The following CACNG2 variants were observed in gnomAD, a reference collection of about 807,000 sequenced individuals.
The protein encoded by CACNG2 is voltage-dependent calcium channel gamma-2 subunit.
In CACNG2, 3 loss-of-function variants were observed where a neutral mutation model predicts 25.9. The ratio of observed to expected loss-of-function variants is 0.12; its 90% CI spans 0.05 to 0.30. CACNG2 has a LOEUF of 0.30. Among genes scored for constraint, CACNG2 ranks in the 10% least tolerant of loss-of-function variants. The pLI is 1.00. For missense variants in CACNG2, 341 were observed against 432.5 expected (o/e 0.79, Z 1.88); for synonymous variants, 167 against 173.3 (o/e 0.96, Z 0.29).
chr22:36,617,918 C>A (rs756771778), intron 1 of CACNG2, among the ~76,000 whole-genome samples: 2 of 152,106 alleles, frequency 1.3e-5, no homozygotes, highest in African/African-American at 2.4e-5. Flanking sequence ...AAGTCCTACA[C>A]GTTTTAGCTG....
At chr22:36,610,299 T>A in intron 1 of CACNG2, among the ~76,000 whole-genome samples, 1 of 129,086 alleles carries the variant, frequency 7.7e-6, no homozygotes. Flanking sequence ...AATCAGCCGC[T>A]TAGAGCGTGA....
chr22:36,653,486 C>T lies in CACNG2; in HGVS notation c.211+48880G>A, dbSNP rs114481742. 9.2e-5 allele frequency among the ~76,000 whole-genome samples: 14 copies of T among 152,294 alleles called. No homozygotes were observed. In the East Asian group the frequency reaches 1.7e-3, roughly 19 times the overall value. On this transcript the variant is annotated intron_variant, in intron 1 of 3. Transcript: ENST00000300105. ...TGGCTGGAGCTGACCGGGGGCTGCC[C>T]GGGCTGGGGCCTGTGTGTGCCTCAG...
intron 3 of CACNG2, 149 bp from the exon 4 acceptor site, chr22:36,565,035 A>G (rs1341844610): frequency 5.8e-6 from 4 of 690,470 alleles, no homozygotes; most frequent in African/African-American, 5.3e-5. Flanking sequence ...GGCGGTGTAG[A>G]TGGACATCCG....
intron 1 of CACNG2, among the ~76,000 whole-genome samples, chr22:36,602,329 G>A (rs112356056): frequency 0.026 from 3,901 of 151,808 alleles, 128 homozygotes; most frequent in Admixed American, 0.085. Context: ...CTTTCATTTT[G>A]TTGTTTGTTA....
At chr22:36,594,874 G>T (rs1935653387) in intron 1 of CACNG2, among the ~76,000 whole-genome samples, 1 of 151,020 alleles carries the variant, frequency 6.6e-6, no homozygotes. Flanking sequence ...GGGTGTTTGT[G>T]TGTCTGTGCC....
chr22:36,642,805 C>CG (rs1035984700), intron 1 of CACNG2, among the ~76,000 whole-genome samples: 3 of 152,208 alleles, frequency 2.0e-5, no homozygotes, highest in Non-Finnish European at 4.4e-5. Flanking sequence ...TAGCAGACAG[C>CG]TAACCCAGCA....
At chr22:36,582,278 A>G (rs9622421) in intron 2 of CACNG2, among the ~76,000 whole-genome samples, 7,761 of 152,134 alleles carry the variant, frequency 0.051, 677 homozygotes, top group African/African-American at 0.18. Flanking sequence ...GAGGCTCTCC[A>G]CACTTGCTCT....
At chr22:36,663,516 G>A (rs974095735) in intron 1 of CACNG2, among the ~76,000 whole-genome samples, 1 of 150,328 alleles carries the variant, frequency 6.7e-6, no homozygotes, top group Non-Finnish European at 1.5e-5. Flanking sequence ...GCAAAACCCT[G>A]CAATATTAAT....
intron 1 of CACNG2, among the ~76,000 whole-genome samples, chr22:36,632,252 A>G (rs1008765148): frequency 1.1e-4 from 17 of 151,908 alleles, no homozygotes; most frequent in African/African-American, 4.1e-4. Flanking sequence ...GGCTGCTCTG[A>G]GGAAAGAAGA....
At chr22:36,633,159 T>TA (rs1202075421) in intron 1 of CACNG2, among the ~76,000 whole-genome samples, 1 of 152,206 alleles carries the variant, frequency 6.6e-6, no homozygotes, top group African/African-American at 2.4e-5. Context: ...GCATCCTTCT[T>TA]ACTTTATGTG....
At chr22:36,649,612 T>A (rs1039460976) in intron 1 of CACNG2, among the ~76,000 whole-genome samples, 1 of 152,172 alleles carries the variant, frequency 6.6e-6, no homozygotes, top group African/African-American at 2.4e-5. Context: ...AACTGTGATA[T>A]GGTTTGGCTG....
intron 1 of CACNG2, among the ~76,000 whole-genome samples, chr22:36,638,012 A>C (rs1442102032): frequency 1.3e-5 from 2 of 151,852 alleles, no homozygotes; most frequent in Middle Eastern, 3.4e-3. Flanking sequence ...ACAGAGTGAG[A>C]ATCCATCTCA....
chr22:36,604,311 C>T (rs1157508887), intron 1 of CACNG2, among the ~76,000 whole-genome samples: 1 of 152,114 alleles, frequency 6.6e-6, no homozygotes, highest in Non-Finnish European at 1.5e-5. Context: ...AAAGTGGTTT[C>T]CTGAGATGGA....
At chr22:36,565,174 A>G (rs1022140851) in intron 3 of CACNG2, among the ~76,000 whole-genome samples, 7 of 152,202 alleles carry the variant, frequency 4.6e-5, no homozygotes, top group Non-Finnish European at 8.8e-5. Context: ...AATAATAGAT[A>G]TTGTTCATTG....
intron 1 of CACNG2, among the ~76,000 whole-genome samples, chr22:36,652,225 C>T (rs146440767): frequency 1.3e-3 from 193 of 152,182 alleles, no homozygotes; most frequent in African/African-American, 4.5e-3. Flanking sequence ...CACCACTCTC[C>T]GCCAGGCTGT....
intron 1 of CACNG2, among the ~76,000 whole-genome samples, chr22:36,690,162 C>T (rs1259949118): frequency 1.3e-5 from 2 of 152,228 alleles, no homozygotes; most frequent in Non-Finnish European, 2.9e-5. Flanking sequence ...GATTTGCAAA[C>T]TTCGACGCCT....
rs1019848926 is a variant in CACNG2 at position 36,564,268 on chromosome 22, C to A, written c.*83G>T. 5 of 1,270,956 alleles carry A rather than the reference C, an allele frequency of 3.9e-6. No individual in the cohort carries two copies. The highest frequency in any genetic ancestry group is 3.0e-5 in the African/African-American group (2 of 66,050). The allele number at this position is 1,270,956 out of a possible 1,614,324, so 78.7% of individuals were successfully genotyped here. ...TTTTTGCTTTTGGAAGGTCTCCCAG[C>A]GGAGGGTCTGGGTCTCCCCGCCCCG... On this transcript the variant is annotated 3_prime_UTR_variant, in exon 4 of 4. Coordinates refer to ENST00000300105, the MANE Select transcript of CACNG2 (RefSeq NM_006078.5). The surrounding 1 kb of genome is among the most constrained non-coding windows in gnomAD (Gnocchi z 6.7).
At chr22:36,687,982 G>C (rs2146010869) in intron 1 of CACNG2, among the ~76,000 whole-genome samples, 1 of 152,310 alleles carries the variant, frequency 6.6e-6, no homozygotes, top group East Asian at 1.9e-4. Context: ...AGAACCATCA[G>C]ATAATAGGTT....
intron 1 of CACNG2, among the ~76,000 whole-genome samples, chr22:36,677,223 C>T (rs1278176398): frequency 6.6e-6 from 1 of 152,156 alleles, no homozygotes; most frequent in Admixed American, 6.5e-5. Flanking sequence ...TCAGAATCTG[C>T]AAGATCCTTC....
Sources: allele counts gnomAD v4.1 joint callset (sites outside exome capture counted in the v4.1 genomes callset), GRCh38; gene constraint gnomAD v4.1.1; non-coding constraint Gnocchi (gnomAD v3.1); transcripts MANE v1.5; gene names NCBI Gene and HGNC (gene_info 2026-07-23, HGNC 2026-07-21).